The following NAMPT variants were observed in gnomAD, a reference collection of about 807,000 sequenced individuals.
The protein encoded by NAMPT is NAmPRTase.
A neutral mutation model predicts 58.7 loss-of-function variants in NAMPT; 7 were observed. The ratio of observed to expected loss-of-function variants is 0.12; its 90% CI spans 0.07 to 0.22. The LOEUF (loss-of-function observed/expected upper bound fraction) is 0.22, where lower values mean the gene tolerates loss of function less well. Among genes scored for constraint, NAMPT ranks in the 10% least tolerant of loss-of-function variants. The pLI is 1.00. For missense variants in NAMPT, 271 were observed against 567.9 expected, an observed-to-expected ratio of 0.48 and a Z score of 5.31; for synonymous variants, 145 against 198.1, an observed-to-expected ratio of 0.73 and a Z score of 2.25.
chr7:106,272,348 C>T (rs372794816), intron 4 of NAMPT, 182 bp downstream of exon 4: 3 of 496,750 alleles, frequency 6.0e-6, no homozygotes, highest in East Asian at 7.8e-5. Context: ...TTCTATTCTA[C>T]TAGAAGAAAC....
intron 7 of NAMPT, among the ~76,000 whole-genome samples, chr7:106,262,755 T>A (rs1041359365): frequency 3.3e-5 from 5 of 152,124 alleles, no homozygotes; most frequent in African/African-American, 1.2e-4. Context: ...TTTTCTTCTA[T>A]AACAGAGACA....
intron 1 of NAMPT, among the ~76,000 whole-genome samples, chr7:106,278,862 G>A (rs951434672): frequency 2.0e-5 from 3 of 152,160 alleles, no homozygotes; most frequent in Admixed American, 2.0e-4. Flanking sequence ...GGATCTTATA[G>A]CACAAGTTTG....
In NAMPT at chr7:106,250,105, AT is replaced by A. The variant is rs1792081455; in HGVS notation, c.*977del. ...ATAAAAAATATAACAGAATTGAAAC[AT>A]TTAAGTACACTCACTACCCACTCCA... On this transcript the variant is annotated 3_prime_UTR_variant, in exon 11 of 11. Transcript: ENST00000222553. The A allele has an allele frequency of 6.6e-6, 1 of 152,504 alleles. No individual in the cohort carries two copies. Among genetic ancestry groups the A allele is most frequent in the Non-Finnish European group, 1.5e-5 (1 of 67,972 alleles). The allele number at this position is 152,504 out of a possible 1,614,324, so 9.4% of individuals were successfully genotyped here. A position where few individuals can be genotyped will look rare whatever the true frequency, so the allele number is the denominator to read the frequency against.
intron 3 of NAMPT, among the ~76,000 whole-genome samples, chr7:106,274,020 A>G (rs1319965009): frequency 6.6e-6 from 1 of 151,758 alleles, no homozygotes; most frequent in Non-Finnish European, 1.5e-5. Flanking sequence ...TTGTAATAAA[A>G]GGAAACCACC....
At chr7:106,251,630 G>GT (rs1019332530) in intron 10 of NAMPT, among the ~76,000 whole-genome samples, 3 of 151,980 alleles carry the variant, frequency 2.0e-5, no homozygotes, top group African/African-American at 7.2e-5. Flanking sequence ...TCAAATGGAA[G>GT]TTTAAGAAAT....
chr7:106,283,156 A>G (rs901580223), intron 1 of NAMPT, among the ~76,000 whole-genome samples: 4 of 152,208 alleles, frequency 2.6e-5, no homozygotes, highest in Admixed American at 1.3e-4. Context: ...CTGAAGTTTC[A>G]TATTATAAAG....
intron 6 of NAMPT, among the ~76,000 whole-genome samples, chr7:106,267,813 C>A (rs1474611292): frequency 9.4e-6 from 1 of 106,758 alleles, no homozygotes; most frequent in African/African-American, 3.5e-5. Context: ...TGCACTCCAG[C>A]CTGGGCGACA....
At chr7:106,270,450 C>T (rs1792511522) in intron 4 of NAMPT, 1 of 210,510 alleles carries the variant, frequency 4.8e-6, no homozygotes, top group African/African-American at 2.4e-5. Context: ...ATCTAGTCAT[C>T]TTTTTAAAAA....
At chr7:106,272,355 A>C (rs1473234980) in intron 4 of NAMPT, 175 bp downstream of exon 4, 2 of 522,552 alleles carry the variant, frequency 3.8e-6, no homozygotes, top group African/African-American at 3.9e-5. Flanking sequence ...CTACTAGAAG[A>C]AACCTTAAAG....
At chr7:106,279,793 C>T (rs1043607574) in intron 1 of NAMPT, among the ~76,000 whole-genome samples, 1 of 152,108 alleles carries the variant, frequency 6.6e-6, no homozygotes, top group African/African-American at 2.4e-5. Context: ...AAGATAGATG[C>T]TATGAAAATG....
At chr7:106,273,629 C>T (rs1004535681) in intron 3 of NAMPT, among the ~76,000 whole-genome samples, 3 of 152,110 alleles carry the variant, frequency 2.0e-5, no homozygotes, top group Admixed American at 2.0e-4. Flanking sequence ...CCAAGATTTT[C>T]TGATCATATA....
intron 6 of NAMPT, among the ~76,000 whole-genome samples, chr7:106,264,437 G>C (rs1792371222): frequency 6.6e-6 from 1 of 152,020 alleles, no homozygotes; most frequent in African/African-American, 2.4e-5. Flanking sequence ...CTTGGGACCA[G>C]AAGTATTCTG....
chr7:106,275,290 C>T (rs954124359), intron 2 of NAMPT: 3 of 280,230 alleles, frequency 1.1e-5, no homozygotes, highest in African/African-American at 2.2e-5. Flanking sequence ...AAAATTATTA[C>T]TTGCACAGCT....
At position 106,284,971 on chromosome 7, in the gene NAMPT, T is replaced by G; in HGVS notation, c.-87A>C. On this transcript the variant is annotated 5_prime_UTR_variant, in exon 1 of 11. Coordinates refer to ENST00000222553, the MANE Select transcript of NAMPT (RefSeq NM_005746.3). ...AAAAATGAGCTTCACCGCGCTCCGTTGCTTAAGTCACTGCTCGGTCGGCGG... is the reference window on the plus strand; with the variant it reads ...AAAAATGAGCTTCACCGCGCTCCGTGGCTTAAGTCACTGCTCGGTCGGCGG... 1 of 1,510,756 alleles carries G rather than the reference T, an allele frequency of 6.6e-7. No individual in the cohort carries two copies. Among genetic ancestry groups the G allele is most frequent in the Non-Finnish European group, 8.9e-7 (1 of 1,119,360 alleles). 93.6% of individuals were successfully genotyped at this position (1,510,756 alleles called of 1,614,324 possible).
chr7:106,279,338 G>A (rs1792714286), intron 1 of NAMPT, among the ~76,000 whole-genome samples: 1 of 152,166 alleles, frequency 6.6e-6, no homozygotes, highest in South Asian at 2.1e-4. Flanking sequence ...AAACTCGCAG[G>A]TAATTAGCCA....
In NAMPT at chr7:106,275,069, C is replaced by CTGTT. The variant is rs755724768; in HGVS notation, c.215-24_215-21dup. The CTGTT allele has an allele frequency of 2.1e-6, 3 of 1,457,546 alleles. No homozygotes were observed. Among genetic ancestry groups the CTGTT allele is most frequent in the Non-Finnish European group, 1.9e-6 (2 of 1,040,980 alleles). 90.3% of individuals were successfully genotyped at this position (1,457,546 alleles called of 1,614,324 possible). A position where few individuals can be genotyped will look rare whatever the true frequency, so the allele number is the denominator to read the frequency against. On this transcript the variant is annotated intron_variant, in intron 2 of 10. Transcript: ENST00000222553. ...CTTTACCTAGAAGAATATACATGTC[C>CTGTT]TGTTTACATTTCTAAAGGTGCATTC...
chr7:106,253,292 T>G lies in NAMPT; in HGVS notation c.1231-141A>C, dbSNP rs985634697. On this transcript the variant is annotated intron_variant, in intron 9 of 10. Coordinates refer to ENST00000222553, the MANE Select transcript of NAMPT (RefSeq NM_005746.3). Reference sequence around the variant, plus strand: ...AGGTATAACTGAACCAATCCACATCTGGCTTTCAGAAACATAACACTTTAG... The same window carrying G: ...AGGTATAACTGAACCAATCCACATCGGGCTTTCAGAAACATAACACTTTAG... The G allele has an allele frequency of 2.9e-5, 23 of 795,368 alleles. No homozygotes were observed. In the African/African-American group the frequency reaches 3.9e-4, roughly 13 times the overall value. 49.3% of individuals were successfully genotyped at this position (795,368 alleles called of 1,614,324 possible). A position where few individuals can be genotyped will look rare whatever the true frequency, so the allele number is the denominator to read the frequency against.
At chr7:106,266,187 A>G (rs1032022144) in intron 6 of NAMPT, among the ~76,000 whole-genome samples, 3 of 152,204 alleles carry the variant, frequency 2.0e-5, no homozygotes, top group African/African-American at 4.8e-5. Context: ...AAGACATTCT[A>G]TTAAGAACAT....
intron 1 of NAMPT, among the ~76,000 whole-genome samples, chr7:106,279,156 T>C (rs1257634561): frequency 2.0e-5 from 3 of 152,328 alleles, no homozygotes; most frequent in East Asian, 3.9e-4. Context: ...CTAATTATAG[T>C]ACTTTAAAAA....
Sources: gnomAD v4.1 joint callset for allele counts (sites outside exome capture counted in the v4.1 genomes callset) on GRCh38, gnomAD v4.1.1 for gene constraint, MANE v1.5 for transcripts, NCBI Gene and HGNC (gene_info 2026-07-23, HGNC 2026-07-21) for gene names.